The following PTCHD4 variants were observed in gnomAD, a reference collection of about 807,000 sequenced individuals.
PTCHD4 encodes the protein patched domain containing 4.
A neutral mutation model predicts 58.1 loss-of-function variants in PTCHD4; 33 were observed. The ratio of observed to expected loss-of-function variants is 0.57; its 90% CI spans 0.43 to 0.76. The LOEUF is 0.76. Ranked by LOEUF, PTCHD4 falls within the 30% of genes least tolerant of loss-of-function variation. The probability of loss-of-function intolerance (pLI) is 0.00; values close to 1 mark genes in which losing one functional copy is unlikely to be tolerated. For synonymous variants in PTCHD4, 478 were observed against 409.6 expected, an observed-to-expected ratio of 1.17 and a Z score of -2.02; for missense variants, 1,058 against 1,027.1, an observed-to-expected ratio of 1.03 and a Z score of -0.41.
intron 4 of PTCHD4, chr6:47,899,660 A>G (rs1442557942): frequency 7.9e-6 from 5 of 634,390 alleles, no homozygotes; most frequent in African/African-American, 2.0e-5. Context: ...TTCATTGATT[A>G]AAAGTGTACA....
rs755650751 is a variant in PTCHD4 at position 48,008,693 on chromosome 6, A to C, written c.839T>G (p.Phe280Cys). Residue 280 changes from phenylalanine to cysteine, a missense_variant, in exon 4 of 5, where the codon TTC becomes TGC. Phe to Cys is a radical substitution (Grantham distance 205). Coordinates refer to ENST00000339488, the MANE Select transcript of PTCHD4 (RefSeq NM_001384253.1). ...GTTGTACTTTCCATCGGTGATGAAG[A>C]AGATCCCTGCTGCTGTGATGATGGA... ...CISIITAAGI[F>C]FITDGKYNST... The C allele has an allele frequency of 3.7e-6, 6 of 1,613,666 alleles. No individual in the cohort carries two copies. The highest frequency in any genetic ancestry group is 5.1e-6 in the Non-Finnish European group (6 of 1,179,808).
intron 1 of PTCHD4, among the ~76,000 whole-genome samples, chr6:48,106,758 G>C (rs1356528069): frequency 3.3e-5 from 5 of 152,092 alleles, no homozygotes; most frequent in Non-Finnish European, 7.4e-5. Flanking sequence ...GCAGTCTCAG[G>C]ATACAAAATC....
rs934039559 is a variant in PTCHD4 at position 47,865,246 on chromosome 6, A to T, written c.*13057T>A. Among the ~76,000 whole-genome samples, 5 of 151,906 alleles carry T rather than the reference A, an allele frequency of 3.3e-5. No individual in the cohort carries two copies. The highest frequency in any genetic ancestry group is 9.7e-5 in the African/African-American group (4 of 41,398). On this transcript the variant is annotated 3_prime_UTR_variant, in exon 5 of 5. Transcript: ENST00000339488. ...TAGACTGCCTATTTATGTTCCTAAG[A>T]TATTCGTTTCTTCCTCTTTGACTCA... is the stretch of plus-strand genomic sequence containing the variant.
chr6:47,912,675 G>A (rs1173932106), intron 4 of PTCHD4, among the ~76,000 whole-genome samples: 1 of 152,026 alleles, frequency 6.6e-6, no homozygotes, highest in Non-Finnish European at 1.5e-5. Flanking sequence ...ATCAATAATT[G>A]ATGAACTGTA....
intron 4 of PTCHD4, among the ~76,000 whole-genome samples, chr6:47,914,317 A>G (rs1765162842): frequency 6.6e-6 from 1 of 152,068 alleles, no homozygotes; most frequent in Admixed American, 6.6e-5. Context: ...CATGTCTGTG[A>G]GGGTGATTCT....
At chr6:48,030,356 T>A (rs763956849) in intron 3 of PTCHD4, among the ~76,000 whole-genome samples, 1 of 152,140 alleles carries the variant, frequency 6.6e-6, no homozygotes, top group Non-Finnish European at 1.5e-5. Context: ...GTTTGCTATC[T>A]TTAAGCTTTT....
chr6:48,037,516 T>C (rs1763682905), intron 3 of PTCHD4, among the ~76,000 whole-genome samples: 1 of 152,190 alleles, frequency 6.6e-6, no homozygotes, highest in Admixed American at 6.5e-5. Context: ...CAGATTTGTG[T>C]CTTTCCTTCT....
chr6:47,974,704 T>C (rs1468898815), intron 4 of PTCHD4, among the ~76,000 whole-genome samples: 1 of 152,242 alleles, frequency 6.6e-6, no homozygotes, highest in Non-Finnish European at 1.5e-5. Flanking sequence ...TATTTGATTT[T>C]GGAAGGCATA....
chr6:48,005,661 C>CT (rs1311459986), intron 4 of PTCHD4, among the ~76,000 whole-genome samples: 8 of 152,196 alleles, frequency 5.3e-5, no homozygotes, highest in Non-Finnish European at 1.2e-4. Flanking sequence ...CTAAGCCTCT[C>CT]TGTCTCTCTC....
At position 48,068,736 on chromosome 6, in the gene PTCHD4, C is replaced by T; in HGVS notation, c.6-95G>A. 1.6e-6 allele frequency: 2 copies of T among 1,239,960 alleles called. No individual in the cohort carries two copies. The highest frequency in any genetic ancestry group is 2.2e-6 in the Non-Finnish European group (2 of 912,656). 76.8% of individuals were successfully genotyped at this position (1,239,960 alleles called of 1,614,324 possible). ...CAGTCCCCCCTCCCCACCGCCGCCG[C>T]CTCCCCACCCACTCCGCGCTCACCC... On this transcript the variant is annotated intron_variant, in intron 2 of 4. Transcript: ENST00000339488. This position sits in a 1 kb window ranked among gnomAD's most constrained non-coding sequence, Gnocchi z 4.2.
intron 4 of PTCHD4, among the ~76,000 whole-genome samples, chr6:47,965,254 A>G (rs1767243842): frequency 6.6e-6 from 1 of 152,240 alleles, no homozygotes; most frequent in African/African-American, 2.4e-5. Context: ...TTTTTAACTG[A>G]AACTAACTAG....
At chr6:48,000,194 C>A (rs1768665952) in intron 4 of PTCHD4, among the ~76,000 whole-genome samples, 1 of 152,282 alleles carries the variant, frequency 6.6e-6, no homozygotes, top group African/African-American at 2.4e-5. Context: ...TGACCCACAT[C>A]AAACTGAGAG....
At chr6:48,108,461 G>C (rs1323225190) in intron 1 of PTCHD4, among the ~76,000 whole-genome samples, 1 of 152,090 alleles carries the variant, frequency 6.6e-6, no homozygotes, top group African/African-American at 2.4e-5. Flanking sequence ...GTGGGGTGGG[G>C]GGAGCGGGGA....
intron 4 of PTCHD4, among the ~76,000 whole-genome samples, chr6:47,997,965 C>T (rs1768567901): frequency 6.6e-6 from 1 of 150,938 alleles, no homozygotes; most frequent in Admixed American, 6.6e-5. Flanking sequence ...TCCCATTTTT[C>T]AACACATTTT....
At chr6:47,924,040 C>T (rs919270429) in intron 4 of PTCHD4, among the ~76,000 whole-genome samples, 1 of 152,166 alleles carries the variant, frequency 6.6e-6, no homozygotes, top group Non-Finnish European at 1.5e-5. Context: ...ATTGACACTG[C>T]CCTAAATATT....
At chr6:48,031,414 C>T (rs1023697042) in intron 3 of PTCHD4, among the ~76,000 whole-genome samples, 1 of 152,112 alleles carries the variant, frequency 6.6e-6, no homozygotes, top group Admixed American at 6.6e-5. Flanking sequence ...TGCTGCAAGA[C>T]CCCACTGCAG....
At chr6:48,084,506 G>T (rs1157535143) in intron 1 of PTCHD4, among the ~76,000 whole-genome samples, 3 of 151,982 alleles carry the variant, frequency 2.0e-5, no homozygotes, top group Non-Finnish European at 2.9e-5. Flanking sequence ...CTAGTTAATT[G>T]TTCTAATGTT....
At position 47,872,382 on chromosome 6, in the gene PTCHD4, C is replaced by T. The variant is rs1374273456; in HGVS notation, c.*5921G>A. Among the ~76,000 whole-genome samples, 4 of 151,604 alleles carry T rather than the reference C, an allele frequency of 2.6e-5. No homozygotes were observed. Among genetic ancestry groups the T allele is most frequent in the Non-Finnish European group, 4.4e-5 (3 of 67,734 alleles). ...GTGGGCAATGTGCTTACTCTACAAACTGTGGCAACAGAGGGAAAGAAAACC... is the reference window on the plus strand; with the variant it reads ...GTGGGCAATGTGCTTACTCTACAAATTGTGGCAACAGAGGGAAAGAAAACC... On this transcript the variant is annotated 3_prime_UTR_variant, in exon 5 of 5. Transcript: ENST00000339488.
chr6:48,035,249 T>A (rs1217476106), intron 3 of PTCHD4, among the ~76,000 whole-genome samples: 1 of 152,070 alleles, frequency 6.6e-6, no homozygotes, highest in Non-Finnish European at 1.5e-5. Context: ...CAGCTCAGAC[T>A]CTATTATTAT....
Sources: allele counts gnomAD v4.1 joint callset (sites outside exome capture counted in the v4.1 genomes callset), GRCh38; gene constraint gnomAD v4.1.1; non-coding constraint Gnocchi (gnomAD v3.1); transcripts MANE v1.5; gene names NCBI Gene and HGNC (gene_info 2026-07-23, HGNC 2026-07-21).